Variants in DGKH observed in about 807,000 individuals in gnomAD.
The protein encoded by DGKH is diacylglycerol kinase eta, also known as DAG kinase eta.
A neutral mutation model predicts 159.3 loss-of-function variants in DGKH; 90 were observed. The observed-to-expected ratio is 0.57, with a 90% CI of 0.48 to 0.67. DGKH has a LOEUF of 0.67. DGKH is among the 30% of genes least tolerant of loss of function. The pLI, the probability that DGKH is intolerant of heterozygous loss-of-function variation, is 0.00. For synonymous variants in DGKH, 536 were observed against 553.8 expected (o/e 0.97, Z 0.45); for missense variants, 1,181 against 1,506.1 (o/e 0.78, Z 3.57).
At chr13:42,248,915 G>T (rs1958600784) in intron 29 of DGKH, among the ~76,000 whole-genome samples, 1 of 151,998 alleles carries the variant, frequency 6.6e-6, no homozygotes, top group Non-Finnish European at 1.5e-5. Context: ...ACCTAGCAAT[G>T]CATATCTGAG....
chr13:42,093,713 T>C (rs1954467662), intron 1 of DGKH, among the ~76,000 whole-genome samples: 1 of 152,228 alleles, frequency 6.6e-6, no homozygotes, highest in Non-Finnish European at 1.5e-5. Flanking sequence ...TTCTACAGCA[T>C]GGATGAACCT....
Position 42,121,013 on chromosome 13 carries a change from T to A in DGKH, c.193-6450T>A, listed in dbSNP as rs932442951. On this transcript the variant is annotated intron_variant, in intron 1 of 29. Transcript: ENST00000337343. ...TTCCAGAAGTAGTTTGTTTATGAAC[T>A]GGTTGTTTGGAACTTAGACCACATT... 1.8e-4 allele frequency among the ~76,000 whole-genome samples: 27 copies of A among 151,574 alleles called. 2 individuals carry two copies. Among genetic ancestry groups the A allele is most frequent in the Admixed American group, 1.8e-3 (27 of 15,188 alleles).
At chr13:42,117,747 CAT>C (rs1297090305) in intron 1 of DGKH, among the ~76,000 whole-genome samples, 3 of 152,100 alleles carry the variant, frequency 2.0e-5, no homozygotes, top group African/African-American at 4.8e-5. Context: ...ATAGAAAAAA[CAT>C]AAATTATTTG....
chr13:42,041,135 C>G (rs1313170114), intron 1 of DGKH, among the ~76,000 whole-genome samples: 1 of 152,210 alleles, frequency 6.6e-6, no homozygotes, highest in East Asian at 1.9e-4. Flanking sequence ...GAGGCTCTCC[C>G]CGAGGAACCG....
chr13:42,074,931 T>G (rs901645958), intron 1 of DGKH, among the ~76,000 whole-genome samples: 1 of 152,220 alleles, frequency 6.6e-6, no homozygotes, highest in African/African-American at 2.4e-5. Context: ...TACGTGGGGC[T>G]TTGTTTCACA....
In DGKH at chr13:42,186,010, GGTGTGTGTGT is replaced by G. The variant is rs3039205; in HGVS notation, c.1539-1008_1539-999del. Among the ~76,000 whole-genome samples, 822 of 132,360 alleles carry G rather than the reference GGTGTGTGTGT, an allele frequency of 6.2e-3. 12 individuals carry two copies. Among genetic ancestry groups the G allele is most frequent in the East Asian group, 0.055 (242 of 4,364 alleles). The allele number at this position is 132,360 out of a possible 152,430, so 86.8% of individuals were successfully genotyped here. On this transcript the variant is annotated intron_variant, in intron 13 of 29. Coordinates refer to ENST00000337343, the MANE Select transcript of DGKH (RefSeq NM_178009.5). ...TTGGGGGAGGAGTGGTGGTGGTGGTGGTGTGTGTGTGTGTGTGTGTGTGTGTGTGTGTGTG... is the reference window on the plus strand; with the variant it reads ...TTGGGGGAGGAGTGGTGGTGGTGGTGGTGTGTGTGTGTGTGTGTGTGTGTG...
chr13:42,256,404 C>A, exon 31 of DGKH: 1 of 1,580,858 alleles, frequency 6.3e-7, no homozygotes, highest in African/African-American at 1.3e-5. Context: ...TATGACAAGG[C>A]AGCAAAGATT....
Position 42,166,548 on chromosome 13 carries a change from G to A in DGKH, c.992G>A (p.Ser331Asn), listed in dbSNP as rs894505964. Residue 331 changes from serine to asparagine, a missense_variant, in exon 9 of 30, where the codon AGT (serine) becomes AAT (asparagine). Ser to Asn is a conservative substitution (Grantham distance 46). Around this residue, in one of 5 missense-constraint regions of DGKH, gnomAD observed 369 missense variants for 519.4 expected, o/e 0.71. Coordinates refer to ENST00000337343, the MANE Select transcript of DGKH (RefSeq NM_178009.5). The part of the protein sequence containing the change: ...FCRATFSFCV[S>N]PLLVFVNSKS... ...AGAGCAACATTTTCGTTCTGTGTTA[G>A]TCCTCTATTGGTTTTTGTCAATTCT... is the stretch of plus-strand genomic sequence containing the variant. 3 of 1,591,632 alleles carry A rather than the reference G, an allele frequency of 1.9e-6. No individual in the cohort carries two copies. In the African/African-American group the frequency reaches 4.1e-5, roughly 22 times the overall value.
chr13:42,187,330 A>G (rs1423229819), intron 14 of DGKH, among the ~76,000 whole-genome samples, 182 bp downstream of exon 14: 1 of 152,150 alleles, frequency 6.6e-6, no homozygotes, highest in Non-Finnish European at 1.5e-5. Flanking sequence ...ACCCTTTAAT[A>G]TGTAGGAAAA....
At chr13:42,157,563 G>A (rs1170206694) in intron 5 of DGKH, among the ~76,000 whole-genome samples, 1 of 152,098 alleles carries the variant, frequency 6.6e-6, no homozygotes, top group Non-Finnish European at 1.5e-5. Context: ...CAAGGCAGGC[G>A]GATCACCTGA....
chr13:42,178,254 GA>G, intron 13 of DGKH, 34 bp downstream of exon 13: 1 of 1,481,062 alleles, frequency 6.8e-7, no homozygotes, highest in South Asian at 1.4e-5. Flanking sequence ...TAAATATGGT[GA>G]AAATGAAATG....
intron 29 of DGKH, among the ~76,000 whole-genome samples, chr13:42,248,902 A>G (rs2138337011): frequency 1.3e-5 from 2 of 152,212 alleles, no homozygotes; most frequent in South Asian, 4.1e-4. Flanking sequence ...AATGAAAAAA[A>G]TCACCTAGCA....
chr13:42,067,088 AAGATGTTGTGACC>A (rs1458410399), intron 1 of DGKH, among the ~76,000 whole-genome samples: 1 of 152,178 alleles, frequency 6.6e-6, no homozygotes, highest in African/African-American at 2.4e-5. Context: ...TTAATTGACA[AAGATGTTGTGACC>A]AGAGGTTTGC....
At position 42,070,250 on chromosome 13, in the gene DGKH, G is replaced by C. The variant is rs144946665; in HGVS notation, c.192+21285G>C. 2,120 of 1,159,828 alleles carry C rather than the reference G, an allele frequency of 1.8e-3. 14 individuals are homozygous for C. In the African/African-American group the frequency reaches 0.025, roughly 14 times the overall value. The allele number at this position is 1,159,828 out of a possible 1,614,324, so 71.8% of individuals were successfully genotyped here. A position where few individuals can be genotyped will look rare whatever the true frequency, so the allele number is the denominator to read the frequency against. ...GCTTCGCGACTAATTCCTGGAAGTA[G>C]CTGAGTTAAAGGTTTGTGTGGCTCA... On this transcript the variant is annotated intron_variant, in intron 1 of 29. Transcript: ENST00000337343.
At chr13:42,063,273 C>T (rs1180730022) in intron 1 of DGKH, among the ~76,000 whole-genome samples, 1 of 151,966 alleles carries the variant, frequency 6.6e-6, no homozygotes, top group African/African-American at 2.4e-5. Context: ...GGAAGAGACA[C>T]ACCTGACACA....
chr13:42,161,811 G>A (rs1956189626), intron 7 of DGKH, among the ~76,000 whole-genome samples: 1 of 150,442 alleles, frequency 6.6e-6, no homozygotes, highest in African/African-American at 2.4e-5. Context: ...AAAAGAAAAA[G>A]AAAACACATA....
intron 2 of DGKH, among the ~76,000 whole-genome samples, chr13:42,128,964 TA>T (rs1955230221): frequency 6.6e-6 from 1 of 152,232 alleles, no homozygotes; most frequent in African/African-American, 2.4e-5. Context: ...AATGAGTGAC[TA>T]AAAGTGGGAA....
chr13:42,169,274 C>T (rs1956386932), intron 11 of DGKH, among the ~76,000 whole-genome samples: 1 of 152,092 alleles, frequency 6.6e-6, no homozygotes, highest in Non-Finnish European at 1.5e-5. Context: ...ATTAAGAATG[C>T]ATTGATCCAA....
chr13:42,207,125 C>A lies in DGKH; in HGVS notation c.2601+979C>A, dbSNP rs1566192497. ...TCTTTCTTTCTTTCTCTTTCTCTCT[C>A]CTTCCTTCCTTCCTTCCTTCCTTCC... On this transcript the variant is annotated intron_variant, in intron 21 of 29. Coordinates refer to ENST00000337343, the MANE Select transcript of DGKH (RefSeq NM_178009.5). Among the ~76,000 whole-genome samples the A allele has an allele frequency of 3.1e-3, 91 of 29,774 alleles. 6 individuals are homozygous for A. The highest frequency in any genetic ancestry group is 4.5e-3 in the Non-Finnish European group (61 of 13,506). 19.5% of individuals were successfully genotyped at this position (29,774 alleles called of 152,430 possible).
Sources: allele counts gnomAD v4.1 joint callset (sites outside exome capture counted in the v4.1 genomes callset), GRCh38; gene constraint gnomAD v4.1.1; regional missense constraint gnomAD v4.1.1; transcripts MANE v1.5; gene names NCBI Gene and HGNC (gene_info 2026-07-23, HGNC 2026-07-21).